LDLRAD4: variants seen among roughly 807,000 people sequenced by gnomAD.
The protein encoded by LDLRAD4 is low-density lipoprotein receptor class A domain-containing protein 4.
In LDLRAD4, 5 loss-of-function variants were observed where a neutral mutation model predicts 17.0. The ratio of observed to expected loss-of-function variants is 0.29; its 90% CI spans 0.15 to 0.62. The LOEUF is 0.62. Among genes scored for constraint, LDLRAD4 ranks in the 20% least tolerant of loss-of-function variants. The pLI is 0.84. For missense variants in LDLRAD4, 340 were observed against 424.7 expected, an observed-to-expected ratio of 0.80 and a Z score of 1.75; for synonymous variants, 168 against 171.8, an observed-to-expected ratio of 0.98 and a Z score of 0.17.
At chr18:13,597,433 T>G (rs558677317) in intron 3 of LDLRAD4, among the ~76,000 whole-genome samples, 58 of 152,280 alleles carry the variant, frequency 3.8e-4, no homozygotes, top group African/African-American at 1.3e-3. Flanking sequence ...AATTCCTGAG[T>G]GTATAGATTA....
chr18:13,644,740 T>A, intron 5 of LDLRAD4: 1 of 194,684 alleles, frequency 5.1e-6, no homozygotes. Flanking sequence ...ACGATGTCAC[T>A]GGTGACCAGA....
Position 13,260,682 on chromosome 18 carries a change from A to C in LDLRAD4, c.-466-17423A>C, listed in dbSNP as rs2043767389. Among the ~76,000 whole-genome samples, 3 of 152,074 alleles carry C rather than the reference A, an allele frequency of 2.0e-5. No individual in the cohort carries two copies. The East Asian group carries it at 5.8e-4, about 29-fold the overall frequency. ...TCTGCCACCCTCTCCCTCCCTCCTT[A>C]CAGATGTCTGTCTTTCCAGGACTGT... On this transcript the variant is annotated intron_variant, in intron 1 of 5. Transcript: ENST00000399848.
chr18:13,645,315 C>T lies in LDLRAD4; in HGVS notation c.579C>T (p.Asp193=), dbSNP rs1185601799. The stretch of plus-strand genomic sequence containing the variant: ...GGCCCTGCACCCTGCAGCTCCGGGA[C>T]CCTGAACAGCAGATGGAACTCAACC... The change falls in exon 6 of 6, where the codon GAC becomes GAT. Residue 193 remains aspartate, a synonymous_variant. Transcript: ENST00000359446. The surrounding 1 kb of genome is among the most constrained non-coding windows in gnomAD (Gnocchi z 5.7). 1 of 1,614,232 alleles carries T rather than the reference C, an allele frequency of 6.2e-7. No individual in the cohort carries two copies. Among genetic ancestry groups the T allele is most frequent in the Non-Finnish European group, 8.5e-7 (1 of 1,180,036 alleles).
intron 1 of LDLRAD4, among the ~76,000 whole-genome samples, chr18:13,360,035 T>C (rs2083569036): frequency 6.6e-6 from 1 of 152,208 alleles, no homozygotes; most frequent in Non-Finnish European, 1.5e-5. Flanking sequence ...GCACAGAGAC[T>C]GTGAGCTGTA....
chr18:13,259,990 C>T (rs368513706), intron 1 of LDLRAD4, among the ~76,000 whole-genome samples: 222 of 152,344 alleles, frequency 1.5e-3, no homozygotes, highest in African/African-American at 5.0e-3. Context: ...TGTCCAGCCT[C>T]GGTTCCCTGT....
intron 1 of LDLRAD4, among the ~76,000 whole-genome samples, chr18:13,258,957 C>T (rs1029007675): frequency 2.4e-4 from 36 of 152,110 alleles, no homozygotes; most frequent in African/African-American, 8.4e-4. Context: ...GTACAACTTC[C>T]GACCAGCATG....
chr18:13,406,300 C>G (rs968161311), intron 2 of LDLRAD4, among the ~76,000 whole-genome samples: 2 of 152,148 alleles, frequency 1.3e-5, no homozygotes, highest in African/African-American at 4.8e-5. Flanking sequence ...ACACATGGTG[C>G]CAAGGTGCCA....
chr18:13,557,023 A>T (rs1399394953), intron 3 of LDLRAD4, among the ~76,000 whole-genome samples: 1 of 152,246 alleles, frequency 6.6e-6, no homozygotes, highest in Non-Finnish European at 1.5e-5. Context: ...GGCCAGGCTC[A>T]GTGGCACACA....
chr18:13,370,546 G>A (rs1438792990), intron 1 of LDLRAD4, among the ~76,000 whole-genome samples: 2 of 152,120 alleles, frequency 1.3e-5, no homozygotes, highest in Non-Finnish European at 2.9e-5. Context: ...CTCTACAGCG[G>A]CACCATATAG....
At chr18:13,498,733 AC>A (rs1412574846) in intron 3 of LDLRAD4, among the ~76,000 whole-genome samples, 1 of 147,724 alleles carries the variant, frequency 6.8e-6, no homozygotes, top group South Asian at 2.2e-4. Context: ...CACTGTGGAC[AC>A]TGGAGAATCC....
chr18:13,381,558 G>A (rs866202304), intron 1 of LDLRAD4, among the ~76,000 whole-genome samples: 2 of 152,202 alleles, frequency 1.3e-5, no homozygotes, highest in Admixed American at 6.5e-5. Flanking sequence ...CTCTGCCTAC[G>A]GCTGGCTGCC....
At chr18:13,357,802 T>A (rs1415586276) in intron 1 of LDLRAD4, among the ~76,000 whole-genome samples, 1 of 152,220 alleles carries the variant, frequency 6.6e-6, no homozygotes, top group Non-Finnish European at 1.5e-5. Context: ...TTACCCATGG[T>A]ATATGGCTCA....
intron 1 of LDLRAD4, among the ~76,000 whole-genome samples, chr18:13,360,631 G>A (rs138070519): frequency 2.8e-4 from 42 of 152,312 alleles, no homozygotes; most frequent in African/African-American, 5.5e-4. Context: ...GCCTTCAAAC[G>A]TACTGGCCAT....
At chr18:13,228,670 C>T (rs2041927154) in intron 1 of LDLRAD4, among the ~76,000 whole-genome samples, 1 of 152,130 alleles carries the variant, frequency 6.6e-6, no homozygotes, top group Admixed American at 6.5e-5. Flanking sequence ...GCCTGGGCAG[C>T]ATAGTAAGAC....
At chr18:13,220,791 C>T (rs1287425825) in intron 1 of LDLRAD4, among the ~76,000 whole-genome samples, 1 of 152,194 alleles carries the variant, frequency 6.6e-6, no homozygotes, top group Non-Finnish European at 1.5e-5. Context: ...GCAGGGGTAA[C>T]CTCCCTGACT....
At chr18:13,575,824 TG>T (rs1405033544) in intron 3 of LDLRAD4, among the ~76,000 whole-genome samples, 1 of 152,236 alleles carries the variant, frequency 6.6e-6, no homozygotes, top group African/African-American at 2.4e-5. Context: ...AGATCATTAG[TG>T]ATGTTGAGCA....
In LDLRAD4 at chr18:13,298,566, G is replaced by A. The variant is rs562837768; in HGVS notation, c.-383+20378G>A. On this transcript the variant is annotated intron_variant, in intron 1 of 5. Coordinates refer to ENST00000359446, the Ensembl canonical transcript of LDLRAD4. ...GTGATGGAGCTGCTCTGGGCACGGTGATGGAGCTGCTCTGGGCATGGTGAT... is the reference window on the plus strand; with the variant it reads ...GTGATGGAGCTGCTCTGGGCACGGTAATGGAGCTGCTCTGGGCATGGTGAT... 2.3e-4 allele frequency among the ~76,000 whole-genome samples: 34 copies of A among 150,662 alleles called. 1 individual carries two copies. The South Asian group carries it at 6.2e-3, about 27-fold the overall frequency.
At chr18:13,403,895 G>T (rs2087462044) in intron 2 of LDLRAD4, among the ~76,000 whole-genome samples, 1 of 152,202 alleles carries the variant, frequency 6.6e-6, no homozygotes, top group Admixed American at 6.5e-5. Context: ...CTGGCGGGAC[G>T]ATGTTTGGGT....
intron 3 of LDLRAD4, among the ~76,000 whole-genome samples, chr18:13,561,041 C>A (rs1406521102): frequency 9.5e-6 from 1 of 105,430 alleles, no homozygotes; most frequent in Admixed American, 1.1e-4. Context: ...GGGTTTGTTT[C>A]TTCCCCTGTG....
Sources: allele counts gnomAD v4.1 joint callset (sites outside exome capture counted in the v4.1 genomes callset), GRCh38; gene constraint gnomAD v4.1.1; non-coding constraint Gnocchi (gnomAD v3.1); transcripts MANE v1.5; gene names NCBI Gene and HGNC (gene_info 2026-07-23, HGNC 2026-07-21).